The following CCN6 variants were observed in gnomAD, a reference collection of about 807,000 sequenced individuals.
The protein encoded by CCN6 is CCN family member 6.
CCN6 carries 31 observed loss-of-function variants against 37.4 expected under a neutral mutation model. The observed-to-expected ratio is 0.83, with a 90% CI of 0.62 to 1.12. The LOEUF (loss-of-function observed/expected upper bound fraction) is 1.12, where lower values mean the gene tolerates loss of function less well. CCN6 is among the 50% of genes most tolerant of loss of function. CCN6 has a pLI of 0.00. For missense variants in CCN6, 369 were observed against 413.8 expected, an observed-to-expected ratio of 0.89 and a Z score of 0.94; for synonymous variants, 137 against 142.1, an observed-to-expected ratio of 0.96 and a Z score of 0.26.
At chr6:112,052,817 C>A (rs1470460445), upstream of CCN6, among the ~76,000 whole-genome samples, 2 of 152,138 alleles carry the variant, frequency 1.3e-5, no homozygotes, top group Admixed American at 6.5e-5. Context: ...CATATACTTA[C>A]AGTTTAATGA....
At position 112,061,263 on chromosome 6, in the gene CCN6, T is replaced by A. The variant is rs1554312815; in HGVS notation, c.321T>A (p.Pro107=). The A allele has an allele frequency of 3.7e-6, 6 of 1,614,066 alleles. No individual in the cohort carries two copies. The highest frequency in any genetic ancestry group is 4.2e-6 in the Non-Finnish European group (5 of 1,180,030). Residue 107 remains proline, a synonymous_variant, in exon 2 of 5, where the codon CCT becomes CCA. Coordinates refer to ENST00000368666, the MANE Select transcript of CCN6 (RefSeq NM_198239.2). The part of the protein sequence containing the change: ...GLYCDYSVDR[P]RYETGVCAYL... ...ATTGTGACTACTCAGTAGACAGGCC[T>A]AGGTACGAGACTGGAGTGTGTGCAT...
At chr6:112,067,161 C>T (rs1554314177) in intron 3 of CCN6, 2 of 609,690 alleles carry the variant, frequency 3.3e-6, no homozygotes, top group African/African-American at 4.1e-5. Context: ...AGACTATTTC[C>T]TATGAAGAAG....
chr6:112,069,682 T>C lies in CCN6; in HGVS notation c.*62T>C, dbSNP rs900076843. The C allele has an allele frequency of 1.5e-5, 24 of 1,582,968 alleles. No individual in the cohort carries two copies. Among genetic ancestry groups the C allele is most frequent in the Non-Finnish European group, 2.1e-5 (24 of 1,155,478 alleles). ...CATATAATAAAAAAATTAGTGAGTA[T>C]AAAATGGTGGCAAATCTACTTTGTT... is the stretch of plus-strand genomic sequence containing the variant. On this transcript the variant is annotated 3_prime_UTR_variant, in exon 5 of 5. Transcript: ENST00000368666.
chr6:112,068,779 A>G (rs1230382513), intron 4 of CCN6, among the ~76,000 whole-genome samples: 6 of 152,146 alleles, frequency 3.9e-5, no homozygotes, highest in African/African-American at 1.4e-4. Context: ...ACTTGCTAAA[A>G]CACTATGATA....
At chr6:112,053,091 G>A (rs1293268377), upstream of CCN6, among the ~76,000 whole-genome samples, 1 of 152,142 alleles carries the variant, frequency 6.6e-6, no homozygotes, top group African/African-American at 2.4e-5. Flanking sequence ...TGGGATGGGG[G>A]CAGGCAGGTG....
chr6:112,060,311 C>T (rs1458591329), intron 1 of CCN6, among the ~76,000 whole-genome samples: 6 of 152,094 alleles, frequency 3.9e-5, no homozygotes, highest in Admixed American at 2.6e-4. Flanking sequence ...TGTAATCATC[C>T]AAGTGAACAA....
intron 3 of CCN6, among the ~76,000 whole-genome samples, chr6:112,065,588 GCA>G (rs66974002): frequency 0.3 from 31,934 of 107,590 alleles, 3,731 homozygotes; most frequent in Non-Finnish European, 0.34. Flanking sequence ...ACACACACAC[GCA>G]CACACACACA....
chr6:112,066,646 C>T (rs77865169), intron 3 of CCN6, among the ~76,000 whole-genome samples: 47 of 152,280 alleles, frequency 3.1e-4, no homozygotes, highest in African/African-American at 1.1e-3. Flanking sequence ...ATTTATGGCC[C>T]ACACAGGAAT....
At chr6:112,057,405 A>G (rs1369664905) in intron 1 of CCN6, among the ~76,000 whole-genome samples, 2 of 152,248 alleles carry the variant, frequency 1.3e-5, no homozygotes, top group Non-Finnish European at 2.9e-5. Flanking sequence ...AAGGTCAGTC[A>G]GGAACTCGTA....
In CCN6 at chr6:112,054,313, C is replaced by G; in HGVS notation, c.-45C>G. On this transcript the variant is annotated 5_prime_UTR_variant, in exon 1 of 5. Transcript: ENST00000368666. ...TTGTGTACCCGGAGCAATGAACAAG[C>G]GGCGACTTCTCTACCCCTCAGGGTG... is the stretch of plus-strand genomic sequence containing the variant. 1 of 1,613,940 alleles carries G rather than the reference C, an allele frequency of 6.2e-7. No homozygotes were observed. The highest frequency in any genetic ancestry group is 1.1e-5 in the South Asian group (1 of 91,044).
In CCN6 at chr6:112,068,413, T is replaced by C. The variant is rs587729265; in HGVS notation, c.783+15T>C. ...AGACAATAAAGGTAAAGTTTAAATA[T>C]ATTTAACTTAATTCAATATTAAGAG... On this transcript the variant is annotated intron_variant, in intron 4 of 4. Transcript: ENST00000368666. 8 of 1,587,844 alleles carry C rather than the reference T, an allele frequency of 5.0e-6. No homozygotes were observed. In the African/African-American group the frequency reaches 6.8e-5, roughly 14 times the overall value.
At chr6:112,068,182 G>A (rs782522118) in intron 3 of CCN6, 23 bp from the exon 4 acceptor site, 15 of 1,578,180 alleles carry the variant, frequency 9.5e-6, no homozygotes, top group African/African-American at 8.2e-5. Context: ...GTATACATAT[G>A]TACTTTTCTC....
chr6:112,066,953 C>T (rs782477626), intron 3 of CCN6: 2 of 1,365,490 alleles, frequency 1.5e-6, no homozygotes, highest in Middle Eastern at 2.1e-4. Context: ...ATCTAACCTG[C>T]CTTTATTTAT....
At chr6:112,065,724 C>T (rs1158603805) in intron 3 of CCN6, among the ~76,000 whole-genome samples, 1 of 151,822 alleles carries the variant, frequency 6.6e-6, no homozygotes, top group Non-Finnish European at 1.5e-5. Flanking sequence ...AAGTGTGATC[C>T]TTCATTACTC....
At chr6:112,068,918 C>G (rs1776783279) in intron 4 of CCN6, among the ~76,000 whole-genome samples, 1 of 152,072 alleles carries the variant, frequency 6.6e-6, no homozygotes, top group Non-Finnish European at 1.5e-5. Context: ...AAGTTATTCT[C>G]TATCATATTA....
intron 2 of CCN6, 119 bp from the exon 3 acceptor site, chr6:112,064,636 G>C (rs1259745515): frequency 1.9e-5 from 29 of 1,505,076 alleles, no homozygotes; most frequent in Admixed American, 1.8e-4. Context: ...TGGAACCTAA[G>C]AGGTTGAGAG....
At chr6:112,069,274 C>A in intron 4 of CCN6, 65 bp from the exon 5 acceptor site, 2 of 1,541,430 alleles carry the variant, frequency 1.3e-6, no homozygotes, top group South Asian at 1.2e-5. Flanking sequence ...ATAAACTATT[C>A]TACATGTTTT....
intron 1 of CCN6, chr6:112,060,136 G>A: frequency 2.2e-6 from 3 of 1,340,186 alleles, no homozygotes; most frequent in Admixed American, 4.3e-5. Context: ...GGGGACCACA[G>A]GATGCAGGGC....
At chr6:112,052,949 G>A (rs180671501), upstream of CCN6, among the ~76,000 whole-genome samples, 507 of 152,330 alleles carry the variant, frequency 3.3e-3, 1 homozygote, top group Non-Finnish European at 5.6e-3. Flanking sequence ...AGGCCTAAGC[G>A]AGGCTTGATG....
Sources: gnomAD v4.1 joint callset for allele counts (sites outside exome capture counted in the v4.1 genomes callset) on GRCh38, gnomAD v4.1.1 for gene constraint, MANE v1.5 for transcripts, NCBI Gene and HGNC (gene_info 2026-07-23, HGNC 2026-07-21) for gene names.